Variants in ADCK1 observed in about 807,000 individuals in gnomAD.
ADCK1 encodes the protein aarF domain-containing protein kinase 1.
ADCK1 carries 41 observed loss-of-function variants against 52.3 expected under a neutral mutation model. The observed-to-expected ratio is 0.78, with a 90% confidence interval of 0.61 to 1.02. ADCK1 has a LOEUF of 1.02. Ranked by LOEUF, ADCK1 falls within the 50% of genes least tolerant of loss-of-function variation. The pLI is 0.00. For synonymous variants in ADCK1, 250 were observed against 274.6 expected (o/e 0.91, Z 0.89); for missense variants, 658 against 679.5 (o/e 0.97, Z 0.35).
chr14:77,834,466 CG>C (rs747264749), intron 3 of ADCK1, among the ~76,000 whole-genome samples: 4 of 152,198 alleles, frequency 2.6e-5, no homozygotes, highest in Non-Finnish European at 4.4e-5. Context: ...ACTCTCTTTC[CG>C]GCTCTTCTCT....
At chr14:77,805,542 G>A (rs968358684) in intron 1 of ADCK1, among the ~76,000 whole-genome samples, 3 of 152,040 alleles carry the variant, frequency 2.0e-5, no homozygotes, top group Non-Finnish European at 2.9e-5. Flanking sequence ...GATTACAGGC[G>A]TGAGCCACTG....
chr14:77,864,392 A>C lies in ADCK1; in HGVS notation c.423+5113A>C, dbSNP rs1003222736. ...TTGGTGGTAGAGGCAGAGAGCAGGC[A>C]CTGTAGGCGCAAGGACCAGCATGAA... On this transcript the variant is annotated intron_variant, in intron 4 of 10. Coordinates refer to ENST00000238561, the MANE Select transcript of ADCK1 (RefSeq NM_020421.4). Among the ~76,000 whole-genome samples the C allele has an allele frequency of 3.9e-5, 6 of 152,218 alleles. No homozygotes were observed. The East Asian group carries it at 1.2e-3, about 29-fold the overall frequency.
At chr14:77,851,675 A>G (rs2082287611) in intron 3 of ADCK1, among the ~76,000 whole-genome samples, 1 of 152,146 alleles carries the variant, frequency 6.6e-6, no homozygotes, top group African/African-American at 2.4e-5. Flanking sequence ...TATAGTATAC[A>G]TCTTGTCAGT....
intron 3 of ADCK1, among the ~76,000 whole-genome samples, chr14:77,843,207 A>G (rs1276859915): frequency 6.6e-6 from 1 of 151,896 alleles, no homozygotes; most frequent in East Asian, 1.9e-4. Context: ...TTTGTTTTCT[A>G]TTCTTTCCCA....
At chr14:77,833,280 C>T (rs553165386) in intron 3 of ADCK1, among the ~76,000 whole-genome samples, 9 of 152,188 alleles carry the variant, frequency 5.9e-5, no homozygotes, top group Non-Finnish European at 5.9e-5. Flanking sequence ...CTCCTTTGCA[C>T]GTGCAGCACC....
At chr14:77,863,123 C>T (rs769982168) in intron 4 of ADCK1, among the ~76,000 whole-genome samples, 1 of 152,090 alleles carries the variant, frequency 6.6e-6, no homozygotes, top group Non-Finnish European at 1.5e-5. Context: ...AGGATTGGGG[C>T]TGAGGTCACA....
chr14:77,924,451 T>G lies in ADCK1; in HGVS notation c.859-6T>G. The G allele has an allele frequency of 1.2e-6, 2 of 1,613,798 alleles. No individual in the cohort carries two copies. Among genetic ancestry groups the G allele is most frequent in the Non-Finnish European group, 1.7e-6 (2 of 1,179,978 alleles). ...GGAGCTCCCACCTGCCCCTCTTCTC[T>G]TTCAGATCTCACGCCACCTGGGCAA... On this transcript the variant is annotated splice_polypyrimidine_tract_variant and splice_region_variant and intron_variant, in intron 7 of 10. Coordinates refer to ENST00000238561, the MANE Select transcript of ADCK1 (RefSeq NM_020421.4).
At position 77,826,359 on chromosome 14, in the gene ADCK1, A is replaced by G. The variant is rs370142943; in HGVS notation, c.219+3841A>G. Among the ~76,000 whole-genome samples, 205 of 105,608 alleles carry G rather than the reference A, an allele frequency of 1.9e-3. 1 individual carries two copies. Among genetic ancestry groups the G allele is most frequent in the African/African-American group, 6.5e-3 (185 of 28,480 alleles). The allele number at this position is 105,608 out of a possible 152,430, so 69.3% of individuals were successfully genotyped here. A position where few individuals can be genotyped will look rare whatever the true frequency, so the allele number is the denominator to read the frequency against. On this transcript the variant is annotated intron_variant, in intron 3 of 10. Transcript: ENST00000238561. ...GCATCTCCAGGTCTCAGAGTATGTC[A>G]GAGCCAGGAGGCTAGCTTCGGCAGG...
In ADCK1 at chr14:77,925,751, G is replaced by A. The variant is rs1206841154; in HGVS notation, c.1009-13G>A. ...ACGAGGCTTAGGTCCCACCGCTGCCGCCTCCACCCTAGATGCTCACGGAAG... is the reference window on the plus strand; with the variant it reads ...ACGAGGCTTAGGTCCCACCGCTGCCACCTCCACCCTAGATGCTCACGGAAG... On this transcript the variant is annotated splice_polypyrimidine_tract_variant and intron_variant, in intron 8 of 10. Coordinates refer to ENST00000238561, the MANE Select transcript of ADCK1 (RefSeq NM_020421.4). 25 of 1,613,664 alleles carry A rather than the reference G, an allele frequency of 1.5e-5. No homozygotes were observed. Among genetic ancestry groups the A allele is most frequent in the East Asian group, 1.1e-4 (5 of 44,866 alleles).
At chr14:77,852,258 A>C (rs779503604) in intron 3 of ADCK1, among the ~76,000 whole-genome samples, 13 of 152,042 alleles carry the variant, frequency 8.6e-5, no homozygotes, top group Non-Finnish European at 1.8e-4. Flanking sequence ...TGGCCTCCCA[A>C]AGTGCTGGGA....
Position 77,890,659 on chromosome 14 carries a change from T to C in ADCK1, c.582+3410T>C, listed in dbSNP as rs573495900. ...CAACGTTGTCATATGGGAGATCAAA[T>C]CAGTAAAGCACTGGAAAGGGTATTT... On this transcript the variant is annotated intron_variant, in intron 5 of 10. Transcript: ENST00000238561. Among the ~76,000 whole-genome samples the C allele has an allele frequency of 2.2e-4, 33 of 152,262 alleles. No individual in the cohort carries two copies. In the South Asian group the frequency reaches 4.2e-3, roughly 19 times the overall value.
Position 77,905,824 on chromosome 14 carries a change from G to C in ADCK1, c.742-1979G>C, listed in dbSNP as rs547128506. On this transcript the variant is annotated intron_variant, in intron 6 of 10. Transcript: ENST00000238561. Reference sequence around the variant, plus strand: ...ATGAGACCCTGTCTCTAAAGAAACCGACAAAGCAACAATAGCAAACATGCA... The same window carrying C: ...ATGAGACCCTGTCTCTAAAGAAACCCACAAAGCAACAATAGCAAACATGCA... Among the ~76,000 whole-genome samples, 17 of 152,160 alleles carry C rather than the reference G, an allele frequency of 1.1e-4. 1 individual carries two copies. The East Asian group carries it at 3.3e-3, about 30-fold the overall frequency.
At chr14:77,858,164 G>T (rs908786431) in intron 3 of ADCK1, among the ~76,000 whole-genome samples, 1 of 152,144 alleles carries the variant, frequency 6.6e-6, no homozygotes, top group Admixed American at 6.5e-5. Flanking sequence ...GGAGACCCCT[G>T]CTAAAGTTTG....
At chr14:77,804,955 C>G (rs1220735204) in intron 1 of ADCK1, among the ~76,000 whole-genome samples, 1 of 152,050 alleles carries the variant, frequency 6.6e-6, no homozygotes, top group Non-Finnish European at 1.5e-5. Flanking sequence ...GCTTGTCATC[C>G]CAGCACTTTG....
At chr14:77,895,546 T>C (rs2083390678) in intron 5 of ADCK1, among the ~76,000 whole-genome samples, 1 of 152,156 alleles carries the variant, frequency 6.6e-6, no homozygotes, top group Admixed American at 6.5e-5. Flanking sequence ...AATCAAAAAG[T>C]CAAATTGATA....
chr14:77,879,044 A>C (rs954774886), intron 4 of ADCK1, among the ~76,000 whole-genome samples: 7 of 151,972 alleles, frequency 4.6e-5, no homozygotes, highest in South Asian at 4.2e-4. Flanking sequence ...GAGTCCCTTC[A>C]TCCACAGCTC....
intron 7 of ADCK1, among the ~76,000 whole-genome samples, chr14:77,919,600 C>A (rs985814281): frequency 6.6e-6 from 1 of 151,358 alleles, no homozygotes; most frequent in Non-Finnish European, 1.5e-5. Flanking sequence ...GATAGACACC[C>A]AGTAGTGGAT....
Position 77,933,222 on chromosome 14 carries a change from A to G in ADCK1, c.1403A>G (p.His468Arg). 6.2e-7 allele frequency: 1 copy of G among 1,611,868 alleles called. No homozygotes were observed. The highest frequency in any genetic ancestry group is 8.5e-7 in the Non-Finnish European group (1 of 1,178,368). Residue 468 changes from histidine (H) to arginine (R), a missense_variant and splice_region_variant, in exon 11 of 11, where the codon CAC becomes CGC. By Grantham distance (29) the His-to-Arg change is conservative. Coordinates refer to ENST00000238561, the MANE Select transcript of ADCK1 (RefSeq NM_020421.4). ...CTTTTTTCTTTCCCTTTTTCCAGGC[A>G]CAAGAAGAAGAATACCTGTTCATTC... is the stretch of plus-strand genomic sequence containing the variant. Reference protein sequence around the residue: ...SRCCIRALAEHKKKNTCSFFR... With the variant: ...SRCCIRALAERKKKNTCSFFR...
At chr14:77,891,608 G>C (rs193218821) in intron 5 of ADCK1, among the ~76,000 whole-genome samples, 1 of 152,312 alleles carries the variant, frequency 6.6e-6, no homozygotes, top group East Asian at 1.9e-4. Context: ...AGCCTGGCAG[G>C]CTGTGTGCAG....
Sources: gnomAD v4.1 joint callset for allele counts (sites outside exome capture counted in the v4.1 genomes callset) on GRCh38, gnomAD v4.1.1 for gene constraint, MANE v1.5 for transcripts, NCBI Gene and HGNC (gene_info 2026-07-23, HGNC 2026-07-21) for gene names.